The following INPP5A variants were observed in gnomAD, a reference collection of about 807,000 sequenced individuals.
The protein encoded by INPP5A is inositol polyphosphate-5-phosphatase A.
In INPP5A, 14 loss-of-function variants were observed where a neutral mutation model predicts 65.2. The ratio of observed to expected loss-of-function variants is 0.21; its 90% CI spans 0.14 to 0.34. The LOEUF is 0.34. INPP5A is among the 10% of genes least tolerant of loss of function. INPP5A has a pLI of 1.00. For missense variants in INPP5A, 431 were observed against 545.6 expected, an observed-to-expected ratio of 0.79 and a Z score of 2.09; for synonymous variants, 207 against 208.3, an observed-to-expected ratio of 0.99 and a Z score of 0.05.
At position 132,753,060 on chromosome 10, in the gene INPP5A, C is replaced by T. The variant is rs1022357634; in HGVS notation, c.903+3215C>T. Among the ~76,000 whole-genome samples the T allele has an allele frequency of 8.5e-5, 13 of 152,128 alleles. No homozygotes were observed. The highest frequency in any genetic ancestry group is 1.9e-4 in the African/African-American group (8 of 41,416). On this transcript the variant is annotated intron_variant, in intron 11 of 15. Coordinates refer to ENST00000368594, the MANE Select transcript of INPP5A (RefSeq NM_005539.5). This position sits in a 1 kb window ranked among gnomAD's most constrained non-coding sequence, Gnocchi z 5.3. ...TGAGGCTGTTTCTCATGAGAAGAGC[C>T]GATGCCTCGGCGTTCCTGTCCTGCT...
chr10:132,757,549 C>T (rs1460957532), intron 11 of INPP5A, among the ~76,000 whole-genome samples: 1 of 152,362 alleles, frequency 6.6e-6, no homozygotes, highest in African/African-American at 2.4e-5. Flanking sequence ...TGTCCCACAG[C>T]GAAATCGCCT....
At position 132,697,747 on chromosome 10, in the gene INPP5A, T is replaced by A. The variant is rs1467672230; in HGVS notation, c.371-69T>A. The A allele has an allele frequency of 9.2e-7, 1 of 1,086,912 alleles. No individual in the cohort carries two copies. The highest frequency in any genetic ancestry group is 1.4e-6 in the Non-Finnish European group (1 of 717,140). 67.3% of individuals were successfully genotyped at this position (1,086,912 alleles called of 1,614,324 possible). A position where few individuals can be genotyped will look rare whatever the true frequency, so the allele number is the denominator to read the frequency against. ...CGGGCTGAAGTCGGGTGGAAACAGG[T>A]TGTGCTCCAGGCTGGTTGGATGGGG... On this transcript the variant is annotated intron_variant, in intron 5 of 15. Coordinates refer to ENST00000368594, the MANE Select transcript of INPP5A (RefSeq NM_005539.5). This position sits in a 1 kb window ranked among gnomAD's most constrained non-coding sequence, Gnocchi z 5.6.
intron 1 of INPP5A, among the ~76,000 whole-genome samples, chr10:132,567,778 C>T (rs1266411506): frequency 6.6e-6 from 1 of 152,142 alleles, no homozygotes; most frequent in Admixed American, 6.5e-5. Flanking sequence ...TTAATGTTCT[C>T]TACATATAAA....
At chr10:132,689,829 C>G (rs1171581571) in intron 4 of INPP5A, among the ~76,000 whole-genome samples, 2 of 152,222 alleles carry the variant, frequency 1.3e-5, no homozygotes, top group African/African-American at 4.8e-5. Flanking sequence ...TGCTCTGCAA[C>G]CATCCGGCTA....
At chr10:132,595,581 G>C (rs1034803825) in intron 1 of INPP5A, among the ~76,000 whole-genome samples, 2 of 152,122 alleles carry the variant, frequency 1.3e-5, no homozygotes, top group African/African-American at 4.8e-5. Flanking sequence ...GTGTTTGTTG[G>C]TGAGTGTGTA....
intron 4 of INPP5A, among the ~76,000 whole-genome samples, chr10:132,667,702 A>G (rs1284234895): frequency 6.6e-6 from 1 of 152,238 alleles, no homozygotes; most frequent in Non-Finnish European, 1.5e-5. Context: ...AGTATTGATC[A>G]TACAAGCAGA....
In INPP5A at chr10:132,651,622, C is replaced by G. The variant is rs555362755; in HGVS notation, c.306+1117C>G. On this transcript the variant is annotated intron_variant, in intron 4 of 15. Coordinates refer to ENST00000368594, the MANE Select transcript of INPP5A (RefSeq NM_005539.5). This position sits in a 1 kb window ranked among gnomAD's most constrained non-coding sequence, Gnocchi z 5.0. Reference sequence around the variant, plus strand: ...CGTCATTGCGCCGTCACGTGACAGGCCCTTGTTAATCTGCCCTCTCCCAGG... The same window carrying G: ...CGTCATTGCGCCGTCACGTGACAGGGCCTTGTTAATCTGCCCTCTCCCAGG... 1.3e-5 allele frequency among the ~76,000 whole-genome samples: 2 copies of G among 152,328 alleles called. No homozygotes were observed. Among genetic ancestry groups the G allele is most frequent in the East Asian group, 3.9e-4 (2 of 5,186 alleles).
chr10:132,629,707 A>G (rs1002267668), intron 2 of INPP5A, among the ~76,000 whole-genome samples: 1 of 152,184 alleles, frequency 6.6e-6, no homozygotes, highest in Non-Finnish European at 1.5e-5. Flanking sequence ...GTGAGCATCC[A>G]TGAGGGGTGG....
chr10:132,597,974 C>G (rs1564929594), intron 1 of INPP5A, among the ~76,000 whole-genome samples: 1 of 151,748 alleles, frequency 6.6e-6, no homozygotes, highest in East Asian at 1.9e-4. Flanking sequence ...GGTGCGTGTT[C>G]CCGGGCTGTG....
chr10:132,645,054 G>A (rs1021278231), intron 2 of INPP5A, among the ~76,000 whole-genome samples: 8 of 152,192 alleles, frequency 5.3e-5, no homozygotes, highest in African/African-American at 1.4e-4. Flanking sequence ...GGTGGAAGCC[G>A]CCAGGTCACA....
chr10:132,563,141 C>G (rs1253735273), intron 1 of INPP5A, among the ~76,000 whole-genome samples: 1 of 152,194 alleles, frequency 6.6e-6, no homozygotes, highest in Non-Finnish European at 1.5e-5. Flanking sequence ...ACATTCTGTT[C>G]AGATTCCAGG....
At position 132,688,654 on chromosome 10, in the gene INPP5A, CAAGT is replaced by C. The variant is rs1439444845; in HGVS notation, c.307-1737_307-1734del. 2.8e-3 allele frequency among the ~76,000 whole-genome samples: 411 copies of C among 147,684 alleles called. 1 individual carries two copies. The highest frequency in any genetic ancestry group is 8.7e-3 in the African/African-American group (343 of 39,546). Reference sequence around the variant, plus strand: ...GCGTGCGTGTGCATGAGTGTGTGTGCAAGTGAGTGTGAACAAGTGTGTGCGTGTG... The same window carrying C: ...GCGTGCGTGTGCATGAGTGTGTGTGCGAGTGTGAACAAGTGTGTGCGTGTG... On this transcript the variant is annotated intron_variant, in intron 4 of 15. Coordinates refer to ENST00000368594, the MANE Select transcript of INPP5A (RefSeq NM_005539.5).
At chr10:132,743,649 C>G (rs201469475) in intron 9 of INPP5A, among the ~76,000 whole-genome samples, 4 of 152,354 alleles carry the variant, frequency 2.6e-5, no homozygotes, top group East Asian at 3.9e-4. Flanking sequence ...CTCCTCGTCA[C>G]GTGTGGGGAG....
intron 11 of INPP5A, among the ~76,000 whole-genome samples, chr10:132,763,528 C>A (rs1846770456): frequency 6.6e-6 from 1 of 152,104 alleles, no homozygotes; most frequent in African/African-American, 2.4e-5. Flanking sequence ...TAAACACGTG[C>A]CTGCATGCAC....
intron 1 of INPP5A, among the ~76,000 whole-genome samples, chr10:132,543,398 G>T (rs1192844938): frequency 1.3e-5 from 2 of 152,040 alleles, no homozygotes; most frequent in Non-Finnish European, 2.9e-5. Flanking sequence ...CGTCAGTCCT[G>T]CATTTCTTCC....
chr10:132,737,202 G>A (rs578217755), intron 9 of INPP5A, among the ~76,000 whole-genome samples: 28 of 152,330 alleles, frequency 1.8e-4, no homozygotes, highest in Admixed American at 1.3e-3. Context: ...AGCCATGAGC[G>A]GACTCGATGT....
intron 1 of INPP5A, among the ~76,000 whole-genome samples, chr10:132,567,658 G>A (rs1016914064): frequency 5.3e-5 from 8 of 152,202 alleles, no homozygotes; most frequent in African/African-American, 1.9e-4. Flanking sequence ...AAACGTGTCT[G>A]TGGTGAAGAT....
Position 132,627,825 on chromosome 10 carries a change from T to C in INPP5A, c.118-18043T>C, listed in dbSNP as rs2072208637. Reference sequence around the variant, plus strand: ...GCCACGGACAGATTTGTGAGGACCTTTGGTTGGAGTATTGGAAACCGGGAG... The same window carrying C: ...GCCACGGACAGATTTGTGAGGACCTCTGGTTGGAGTATTGGAAACCGGGAG... On this transcript the variant is annotated intron_variant, in intron 2 of 15. Transcript: ENST00000368594. The surrounding 1 kb of genome is among the most constrained non-coding windows in gnomAD (Gnocchi z 6.6). Among the ~76,000 whole-genome samples the C allele has an allele frequency of 6.6e-6, 1 of 152,058 alleles. No individual in the cohort carries two copies.
chr10:132,704,254 A>C lies in INPP5A; in HGVS notation c.475-4059A>C, dbSNP rs1845495788. Among the ~76,000 whole-genome samples, 1 of 152,024 alleles carries C rather than the reference A, an allele frequency of 6.6e-6. No homozygotes were observed. Among genetic ancestry groups the C allele is most frequent in the Non-Finnish European group, 1.5e-5 (1 of 68,000 alleles). ...TCTCCTGGAAAGACGCCTGCCTCCC[A>C]CTGTCACTAGTAGAGGGGCCTCACC... On this transcript the variant is annotated intron_variant, in intron 6 of 15. Transcript: ENST00000368594. The surrounding 1 kb of genome is among the most constrained non-coding windows in gnomAD (Gnocchi z 4.5).
Sources: gnomAD v4.1 joint callset for allele counts (sites outside exome capture counted in the v4.1 genomes callset) on GRCh38, gnomAD v4.1.1 for gene constraint, Gnocchi (gnomAD v3.1) non-coding constraint, MANE v1.5 for transcripts, NCBI Gene and HGNC (gene_info 2026-07-23, HGNC 2026-07-21) for gene names.